Variants in USH2A observed in about 807,000 individuals in gnomAD.
USH2A encodes Usher syndrome 2A (autosomal recessive, mild).
Under a neutral mutation model 538.9 loss-of-function variants are expected in USH2A, and 443 were observed. That is an observed-to-expected ratio of 0.82 (90% CI 0.76 to 0.89). The LOEUF (loss-of-function observed/expected upper bound fraction) is 0.89, where lower values mean the gene tolerates loss of function less well. Among genes scored for constraint, USH2A ranks in the 40% least tolerant of loss-of-function variants. The probability of loss-of-function intolerance (pLI) is 0.00; values close to 1 mark genes in which losing one functional copy is unlikely to be tolerated. For synonymous variants in USH2A, 2,413 were observed against 2,273.5 expected, an observed-to-expected ratio of 1.06 and a Z score of -1.75; for missense variants, 6,633 against 6,324.8, an observed-to-expected ratio of 1.05 and a Z score of -1.65.
Position 215,965,408 on chromosome 1 carries a change from C to T in USH2A, c.7029G>A (p.Arg2343=), listed in dbSNP as rs1667316538. 6.2e-7 allele frequency: 1 copy of T among 1,613,732 alleles called. No individual in the cohort carries two copies. The highest frequency in any genetic ancestry group is 8.5e-7 in the Non-Finnish European group (1 of 1,179,848). ...GTGCTTCCCACCTCACGTGGGCTTTCCGGGATCCCTGTGTTTTGACAAACA... is the reference window on the plus strand; with the variant it reads ...GTGCTTCCCACCTCACGTGGGCTTTTCGGGATCCCTGTGTTTTGACAAACA... ...VNVFVKTQGS[R]KAHVRWEAPF... is the part of the protein sequence containing the mutation. Residue 2343 remains arginine, a synonymous_variant, in exon 37 of 72, where the codon CGG becomes CGA. Transcript: ENST00000307340.
intron 60 of USH2A, among the ~76,000 whole-genome samples, chr1:215,740,251 G>A (rs1207818373): frequency 6.6e-6 from 1 of 151,474 alleles, no homozygotes; most frequent in Non-Finnish European, 1.5e-5. Flanking sequence ...TTTATTTAAA[G>A]AATACATTAA....
Position 215,672,981 on chromosome 1 carries a change from T to A in USH2A, c.13811+1119A>T, listed in dbSNP as rs552345033. ...AGAGTTTCAAAAGGGAGCAAATTGA[T>A]ATGGTTTTTGAAAGTTGGAGGTACA... On this transcript the variant is annotated intron_variant, in intron 63 of 71. Coordinates refer to ENST00000307340, the MANE Select transcript of USH2A (RefSeq NM_206933.4). 2.7e-4 allele frequency among the ~76,000 whole-genome samples: 41 copies of A among 152,296 alleles called. No homozygotes were observed. In the South Asian group the frequency reaches 7.5e-3, roughly 28 times the overall value.
intron 31 of USH2A, 28 bp from the exon 32 acceptor site, chr1:216,046,620 A>G: frequency 6.2e-7 from 1 of 1,613,086 alleles, no homozygotes; most frequent in East Asian, 2.2e-5. Context: ...TATAGAGTCT[A>G]ATTTTAGTTT....
At position 215,931,501 on chromosome 1, in the gene USH2A, C is replaced by T. The variant is rs79639664; in HGVS notation, c.7300+3115G>A. Among the ~76,000 whole-genome samples, 717 of 152,080 alleles carry T rather than the reference C, an allele frequency of 4.7e-3. 4 individuals carry two copies. The highest frequency in any genetic ancestry group is 0.01 in the Middle Eastern group (3 of 294). ...GAGAATATTTCTCACCTCCAATACA[C>T]TCACCCTCCTTACAGTTTGAGCTCC... is the stretch of plus-strand genomic sequence containing the variant. On this transcript the variant is annotated intron_variant, in intron 38 of 71. Transcript: ENST00000307340.
chr1:216,007,048 A>C (rs1668410056), intron 32 of USH2A, among the ~76,000 whole-genome samples: 1 of 152,108 alleles, frequency 6.6e-6, no homozygotes, highest in African/African-American at 2.4e-5. Flanking sequence ...ATGGTAGTGA[A>C]TACGTCTCAT....
In USH2A at chr1:216,291,334, C is replaced by T. The variant is rs1301678992; in HGVS notation, c.1840+841G>A. 3.9e-5 allele frequency among the ~76,000 whole-genome samples: 6 copies of T among 152,272 alleles called. No homozygotes were observed. In the East Asian group the frequency reaches 1.2e-3, roughly 29 times the overall value. Reference sequence around the variant, plus strand: ...CTAATTGTAAGCCTTAGTTCACCATCCTAATCTTTCAACTGGTTAACTCCT... The same window carrying T: ...CTAATTGTAAGCCTTAGTTCACCATTCTAATCTTTCAACTGGTTAACTCCT... On this transcript the variant is annotated intron_variant, in intron 10 of 71. Coordinates refer to ENST00000307340, the MANE Select transcript of USH2A (RefSeq NM_206933.4).
intron 3 of USH2A, among the ~76,000 whole-genome samples, chr1:216,371,525 G>A (rs1166703187): frequency 6.6e-6 from 1 of 151,862 alleles, no homozygotes; most frequent in East Asian, 1.9e-4. Context: ...TTTTTTTCCT[G>A]CTTACATCAA....
At chr1:216,028,504 T>A (rs1669021227) in intron 32 of USH2A, among the ~76,000 whole-genome samples, 1 of 152,136 alleles carries the variant, frequency 6.6e-6, no homozygotes, top group South Asian at 2.1e-4. Context: ...AATATTTATC[T>A]ATTCTTGAAG....
At chr1:216,209,644 A>G (rs942176529) in intron 15 of USH2A, among the ~76,000 whole-genome samples, 1 of 151,798 alleles carries the variant, frequency 6.6e-6, no homozygotes, top group Non-Finnish European at 1.5e-5. Flanking sequence ...TTTATACACC[A>G]TACACACACA....
At chr1:216,403,875 T>A (rs1053431469) in intron 3 of USH2A, among the ~76,000 whole-genome samples, 1 of 152,050 alleles carries the variant, frequency 6.6e-6, no homozygotes, top group Admixed American at 6.6e-5. Flanking sequence ...TGATAGTGAG[T>A]GAGTTCTCAC....
At chr1:216,252,643 G>A (rs942748469) in intron 11 of USH2A, among the ~76,000 whole-genome samples, 13 of 152,170 alleles carry the variant, frequency 8.5e-5, no homozygotes, top group Admixed American at 8.5e-4. Flanking sequence ...ATGGTTATAT[G>A]CAAACCAAAT....
At chr1:215,727,906 C>A in intron 61 of USH2A, 124 bp downstream of exon 61, 1 of 1,200,200 alleles carries the variant, frequency 8.3e-7, no homozygotes, top group East Asian at 2.5e-5. Context: ...CAACTTTTCA[C>A]AAGTGAAAGA....
intron 21 of USH2A, among the ~76,000 whole-genome samples, chr1:216,145,880 C>A (rs890969200): frequency 1.3e-5 from 2 of 152,150 alleles, no homozygotes; most frequent in Admixed American, 6.6e-5. Context: ...AGAACAAACC[C>A]CCTTTGACTG....
At chr1:215,966,435 G>A (rs1667350286) in intron 36 of USH2A, among the ~76,000 whole-genome samples, 1 of 152,126 alleles carries the variant, frequency 6.6e-6, no homozygotes, top group Non-Finnish European at 1.5e-5. Flanking sequence ...TAAGGTACAA[G>A]CTCTTGCCTC....
At chr1:215,869,363 C>G (rs1335263661) in intron 43 of USH2A, among the ~76,000 whole-genome samples, 1 of 152,120 alleles carries the variant, frequency 6.6e-6, no homozygotes, top group Non-Finnish European at 1.5e-5. Context: ...TCTGTCCATA[C>G]TTGGATGATG....
intron 3 of USH2A, among the ~76,000 whole-genome samples, chr1:216,377,751 GAAAGAAAGAAAGAGAAGGAAAGAAATAA>G (rs200009958): frequency 0.011 from 1,493 of 134,028 alleles, 46 homozygotes; most frequent in Middle Eastern, 0.027. Context: ...AAAAAAAAAA[GAAAGAAAGAAAGAGAAGGAAAGAAATAA>G]AAAGAAAGAA....
intron 61 of USH2A, among the ~76,000 whole-genome samples, chr1:215,695,492 A>G (rs1338236257): frequency 1.3e-5 from 2 of 152,216 alleles, no homozygotes; most frequent in African/African-American, 4.8e-5. Flanking sequence ...TCCCAATAAA[A>G]AAAAACAACC....
At position 216,175,373 on chromosome 1, in the gene USH2A, C is replaced by T; in HGVS notation, c.4506G>A (p.Leu1502=). Residue 1502 remains leucine (L), a synonymous_variant, in exon 21 of 72, where the codon CTG becomes CTA. Transcript: ENST00000307340. The stretch of plus-strand genomic sequence containing the variant: ...CTGGTAGAGATGACTCTCTCCTTTC[C>T]AGCTGATATATAGGAGAGGGTCCAT... ...ELNGPSPIYQ[L]ERRESSLPAL... is the part of the protein sequence containing the mutation. The T allele has an allele frequency of 6.2e-7, 1 of 1,613,712 alleles. No homozygotes were observed. The highest frequency in any genetic ancestry group is 2.2e-5 in the East Asian group (1 of 44,782).
chr1:215,787,617 C>T (rs941746510), intron 51 of USH2A, among the ~76,000 whole-genome samples: 8 of 151,902 alleles, frequency 5.3e-5, no homozygotes, highest in African/African-American at 1.9e-4. Context: ...ATCTACTTTG[C>T]CTTTCCTTTA....
Sources: gnomAD v4.1 joint callset for allele counts (sites outside exome capture counted in the v4.1 genomes callset) on GRCh38, gnomAD v4.1.1 for gene constraint, MANE v1.5 for transcripts, NCBI Gene and HGNC (gene_info 2026-07-23, HGNC 2026-07-21) for gene names.